MAPK10: variants seen among roughly 807,000 people sequenced by gnomAD.
The protein encoded by MAPK10 is JNK3 alpha protein kinase.
MAPK10 carries 25 observed loss-of-function variants against 59.3 expected under a neutral mutation model. The ratio of observed to expected loss-of-function variants is 0.42; its 90% CI spans 0.31 to 0.59. MAPK10 has a LOEUF of 0.59. Among genes scored for constraint, MAPK10 ranks in the 20% least tolerant of loss-of-function variants. The pLI, the probability that MAPK10 is intolerant of heterozygous loss-of-function variation, is 0.15. For missense variants in MAPK10, 351 were observed against 568.9 expected (o/e 0.62, Z 3.90); for synonymous variants, 190 against 200.5 (o/e 0.95, Z 0.44).
intron 9 of MAPK10, among the ~76,000 whole-genome samples, chr4:86,084,446 A>G (rs1387050603): frequency 1.3e-5 from 2 of 152,252 alleles, no homozygotes; most frequent in Non-Finnish European, 2.9e-5. Flanking sequence ...TAGCATTTCT[A>G]TATGACAGCA....
intron 4 of MAPK10, among the ~76,000 whole-genome samples, chr4:86,110,034 G>A (rs968349500): frequency 2.0e-5 from 3 of 152,142 alleles, no homozygotes; most frequent in African/African-American, 4.8e-5. Flanking sequence ...CTTCTTTTGA[G>A]AAGTAACTGT....
chr4:86,251,299 A>G (rs1402358035), intron 2 of MAPK10, among the ~76,000 whole-genome samples: 4 of 152,130 alleles, frequency 2.6e-5, no homozygotes, highest in East Asian at 1.9e-4. Context: ...AGCATTAGGT[A>G]TATCTACCAA....
chr4:86,514,389 A>T (rs1368927545), intron 1 of MAPK10, among the ~76,000 whole-genome samples: 1 of 152,150 alleles, frequency 6.6e-6, no homozygotes, highest in African/African-American at 2.4e-5. Flanking sequence ...TACAATTGTC[A>T]TTTTTCCTTT....
In MAPK10 at chr4:86,377,807, G is replaced by A. The variant is rs544871176; in HGVS notation, c.-121-23163C>T. Among the ~76,000 whole-genome samples, 341 of 152,256 alleles carry A rather than the reference G, an allele frequency of 2.2e-3. 1 individual carries two copies. Among genetic ancestry groups the A allele is most frequent in the Middle Eastern group, 0.01 (3 of 294 alleles). ...GGAATATATATATTATATAGTCCGA[G>A]TTCCAAAATTAAAGAACTTGGAGTC... On this transcript the variant is annotated intron_variant, in intron 1 of 13. Coordinates refer to the MAPK10 transcript ENST00000361569.
At chr4:86,469,097 G>C (rs915977470) in intron 1 of MAPK10, among the ~76,000 whole-genome samples, 1 of 152,044 alleles carries the variant, frequency 6.6e-6, no homozygotes, top group African/African-American at 2.4e-5. Flanking sequence ...TTGTTATGTG[G>C]GAAATGGCAT....
At chr4:86,224,588 C>T (rs1312407585) in intron 2 of MAPK10, among the ~76,000 whole-genome samples, 1 of 152,128 alleles carries the variant, frequency 6.6e-6, no homozygotes, top group Non-Finnish European at 1.5e-5. Flanking sequence ...TTAATGATTA[C>T]ACCGGGTCAG....
chr4:86,069,811 T>C (rs566613933), intron 9 of MAPK10, among the ~76,000 whole-genome samples: 2 of 152,104 alleles, frequency 1.3e-5, no homozygotes, highest in African/African-American at 4.8e-5. Flanking sequence ...TTTAACAAAG[T>C]TGGCAAAATA....
intron 1 of MAPK10, among the ~76,000 whole-genome samples, chr4:86,422,150 T>C (rs1401383958): frequency 1.3e-5 from 2 of 152,208 alleles, no homozygotes. Context: ...TTTGAGTGTT[T>C]ATTGGTCATC....
intron 1 of MAPK10, among the ~76,000 whole-genome samples, chr4:86,373,914 CA>C (rs1165137145): frequency 2.0e-5 from 3 of 152,078 alleles, no homozygotes; most frequent in African/African-American, 7.2e-5. Flanking sequence ...AGTATATACC[CA>C]AAGGATTATA....
chr4:86,413,739 T>C (rs994033162), intron 1 of MAPK10, among the ~76,000 whole-genome samples: 3 of 152,196 alleles, frequency 2.0e-5, no homozygotes, highest in East Asian at 1.9e-4. Context: ...TGGGACTGTA[T>C]CTCCTGGTCC....
chr4:86,246,878 GCCAA>G (rs2093128680), intron 2 of MAPK10, among the ~76,000 whole-genome samples: 1 of 152,140 alleles, frequency 6.6e-6, no homozygotes, highest in Non-Finnish European at 1.5e-5. Flanking sequence ...TTGATTAGTA[GCCAA>G]TCATATCATC....
intron 1 of MAPK10, among the ~76,000 whole-genome samples, chr4:86,366,173 G>A (rs557096371): frequency 1.3e-5 from 2 of 152,212 alleles, no homozygotes; most frequent in South Asian, 4.1e-4. Context: ...ATGTTTACAT[G>A]AAGTTTCAGA....
chr4:86,125,445 G>A (rs1032659270), intron 4 of MAPK10: 3 of 150,178 alleles, frequency 2.0e-5, no homozygotes, highest in African/African-American at 7.3e-5. Flanking sequence ...TTATTTTTAC[G>A]ACCATCAATA....
chr4:86,245,265 TG>T (rs1383367865), intron 2 of MAPK10, among the ~76,000 whole-genome samples: 1 of 151,976 alleles, frequency 6.6e-6, no homozygotes, highest in Admixed American at 6.6e-5. Flanking sequence ...ACTGTATACA[TG>T]GTTCTATACC....
intron 11 of MAPK10, among the ~76,000 whole-genome samples, chr4:86,059,984 C>T (rs1466638612): frequency 1.3e-5 from 2 of 151,900 alleles, no homozygotes; most frequent in East Asian, 1.9e-4. Flanking sequence ...GCTCTACCTG[C>T]CTCTCTGCCC....
intron 2 of MAPK10, among the ~76,000 whole-genome samples, chr4:86,262,844 C>T (rs780482950): frequency 5.9e-5 from 9 of 152,082 alleles, no homozygotes; most frequent in Non-Finnish European, 1.0e-4. Flanking sequence ...CCACTTGCAC[C>T]TCCAGATCTC....
At chr4:86,313,050 T>C (rs1174888849) in intron 2 of MAPK10, among the ~76,000 whole-genome samples, 1 of 152,100 alleles carries the variant, frequency 6.6e-6, no homozygotes, top group Non-Finnish European at 1.5e-5. Flanking sequence ...GGCATATACA[T>C]ACATATGCAT....
At chr4:86,558,852 C>T (rs1760458928) in intron 1 of MAPK10, among the ~76,000 whole-genome samples, 1 of 151,268 alleles carries the variant, frequency 6.6e-6, no homozygotes, top group Non-Finnish European at 1.5e-5. Flanking sequence ...AAAAACTTTC[C>T]AGAAATGTGT....
chr4:86,287,552 C>T (rs1020223557), intron 2 of MAPK10, among the ~76,000 whole-genome samples: 150 of 152,286 alleles, frequency 9.8e-4, no homozygotes, highest in Admixed American at 7.8e-4. Flanking sequence ...TTCAAAGCAT[C>T]AGGCGTTCTA....
Sources: allele counts gnomAD v4.1 joint callset (sites outside exome capture counted in the v4.1 genomes callset), GRCh38; gene constraint gnomAD v4.1.1; transcripts MANE v1.5; gene names NCBI Gene and HGNC (gene_info 2026-07-23, HGNC 2026-07-21).